Variants in NHS observed in about 807,000 individuals in gnomAD.
NHS encodes the protein NHS actin remodeling regulator.
NHS carries 5 observed loss-of-function variants against 72.5 expected under a neutral mutation model. That is an observed-to-expected ratio of 0.07 (90% CI 0.04 to 0.14). The LOEUF is 0.14. NHS is among the 10% of genes least tolerant of loss of function. The probability of loss-of-function intolerance (pLI) is 1.00; values close to 1 mark genes in which losing one functional copy is unlikely to be tolerated. For missense variants in NHS, 1,072 were observed against 1,355.7 expected, an observed-to-expected ratio of 0.79 and a Z score of 3.29; for synonymous variants, 464 against 547.7, an observed-to-expected ratio of 0.85 and a Z score of 2.13.
chrX:17,379,866 G>T (rs1480766721), intron 1 of NHS, among the ~76,000 whole-genome samples: 1 of 112,045 alleles, frequency 8.9e-6, no homozygotes, highest in Non-Finnish European at 1.9e-5. Flanking sequence ...TTCTTGTGGA[G>T]GGAATGGAAT....
intron 1 of NHS, among the ~76,000 whole-genome samples, chrX:17,466,307 G>C (rs747184119): frequency 4.4e-5 from 5 of 112,560 alleles, no homozygotes; most frequent in Non-Finnish European, 7.5e-5. Flanking sequence ...GTGTTTAAAG[G>C]AATGTCTCCA....
chrX:17,510,003 AG>A (rs2065079449), intron 1 of NHS, among the ~76,000 whole-genome samples: 1 of 112,535 alleles, frequency 8.9e-6, no homozygotes, highest in Admixed American at 9.4e-5. Flanking sequence ...AGTTCACTTT[AG>A]TATGTGGAAT....
intron 1 of NHS, among the ~76,000 whole-genome samples, chrX:17,582,093 G>A (rs1321796782): frequency 9.0e-6 from 1 of 111,681 alleles, no homozygotes; most frequent in Non-Finnish European, 1.9e-5. Context: ...GTTTTCGGGA[G>A]CTGTTATGGA....
chrX:17,548,380 C>T (rs1439790261), intron 1 of NHS, among the ~76,000 whole-genome samples: 2 of 110,887 alleles, frequency 1.8e-5, no homozygotes, highest in South Asian at 3.9e-4. Flanking sequence ...TGAAGTCATT[C>T]AGCACATTTT....
intron 1 of NHS, among the ~76,000 whole-genome samples, chrX:17,665,529 G>A (rs899986410): frequency 5.5e-5 from 6 of 108,177 alleles, no homozygotes; most frequent in Non-Finnish European, 3.8e-5. Context: ...GGGTTTCACC[G>A]TGTTAGCCAG....
intron 1 of NHS, among the ~76,000 whole-genome samples, chrX:17,573,588 T>A (rs2065493893): frequency 9.1e-6 from 1 of 110,448 alleles, no homozygotes; most frequent in African/African-American, 3.3e-5. Flanking sequence ...TCTAACCTTT[T>A]TTCAAGGTTT....
chrX:17,484,030 G>C (rs1202550449), intron 1 of NHS, among the ~76,000 whole-genome samples: 1 of 112,234 alleles, frequency 8.9e-6, no homozygotes, highest in East Asian at 2.8e-4. Context: ...TGGTGTGCCA[G>C]AGCTGACATG....
intron 1 of NHS, among the ~76,000 whole-genome samples, chrX:17,492,824 A>T (rs1465581768): frequency 9.0e-6 from 1 of 111,689 alleles, no homozygotes; most frequent in Non-Finnish European, 1.9e-5. Flanking sequence ...TGCTCATACC[A>T]TTGTGGTTTG....
rs182067020 is a variant in NHS at position 17,547,629 on chromosome X, G to A, written c.566-140113G>A. Among the ~76,000 whole-genome samples the A allele has an allele frequency of 3.5e-5, 4 of 112,719 alleles. No homozygotes were observed. The East Asian group carries it at 1.1e-3, about 31-fold the overall frequency. ...AATATATAACCAAATGTGATTTAAT[G>A]TTTTCTGTTTTCTTTAGACATTTTA... On this transcript the variant is annotated intron_variant, in intron 1 of 8. Coordinates refer to ENST00000676302, the MANE Select transcript of NHS (RefSeq NM_001291867.2).
intron 1 of NHS, among the ~76,000 whole-genome samples, chrX:17,472,403 T>C: frequency 9.0e-6 from 1 of 110,852 alleles, no homozygotes; most frequent in Admixed American, 9.6e-5. Flanking sequence ...AAAAAGCATA[T>C]CTGTAGTGCC....
At chrX:17,492,846 C>CAT (rs1251761091) in intron 1 of NHS, among the ~76,000 whole-genome samples, 1 of 111,480 alleles carries the variant, frequency 9.0e-6, no homozygotes, top group Non-Finnish European at 1.9e-5. Flanking sequence ...TGCCTATGAT[C>CAT]ATAACTAAAA....
chrX:17,616,703 A>G (rs143661223), intron 1 of NHS, among the ~76,000 whole-genome samples: 11,546 of 112,571 alleles, frequency 0.1, 1,394 homozygotes, highest in African/African-American at 0.35. Context: ...CATAAAATTT[A>G]CAGTTGAAAA....
At chrX:17,401,362 C>G (rs1280858728) in intron 1 of NHS, among the ~76,000 whole-genome samples, 1 of 111,633 alleles carries the variant, frequency 9.0e-6, no homozygotes, top group Non-Finnish European at 1.9e-5. Context: ...GTACAAGTGA[C>G]AAAAGAAAAA....
chrX:17,680,653 T>A (rs747252965), intron 1 of NHS, among the ~76,000 whole-genome samples: 2 of 112,286 alleles, frequency 1.8e-5, no homozygotes, highest in African/African-American at 6.5e-5. Flanking sequence ...AGTTCTGGGG[T>A]ACACGTGCAG....
At chrX:17,410,555 A>G (rs2064553066) in intron 1 of NHS, among the ~76,000 whole-genome samples, 3 of 96,292 alleles carry the variant, frequency 3.1e-5, no homozygotes, top group Admixed American at 2.4e-4. Flanking sequence ...TTAGAACACC[A>G]GTGAGTAAAG....
intron 1 of NHS, among the ~76,000 whole-genome samples, chrX:17,506,363 T>C (rs1348510989): frequency 1.8e-5 from 2 of 109,177 alleles, no homozygotes; most frequent in Non-Finnish European, 3.8e-5. Flanking sequence ...ATCCCGTCTC[T>C]ACTAAAAAAT....
intron 1 of NHS, among the ~76,000 whole-genome samples, chrX:17,597,018 TAG>T (rs1211050964): frequency 9.0e-6 from 1 of 110,547 alleles, no homozygotes; most frequent in East Asian, 2.8e-4. Flanking sequence ...GGCTGGGAAA[TAG>T]AGTCATCTGT....
At chrX:17,565,735 T>G (rs2146969936) in intron 1 of NHS, among the ~76,000 whole-genome samples, 1 of 112,230 alleles carries the variant, frequency 8.9e-6, no homozygotes, top group East Asian at 2.8e-4. Flanking sequence ...GCTGCTTTAC[T>G]TAATGACCAC....
intron 1 of NHS, chrX:17,635,578 C>T: frequency 5.1e-6 from 6 of 1,166,991 alleles, no homozygotes; most frequent in Non-Finnish European, 6.9e-6. Flanking sequence ...TGGCTCTGGC[C>T]TGCTGCATGC....
Sources: allele counts gnomAD v4.1 joint callset (sites outside exome capture counted in the v4.1 genomes callset), GRCh38; gene constraint gnomAD v4.1.1; transcripts MANE v1.5; gene names NCBI Gene and HGNC (gene_info 2026-07-23, HGNC 2026-07-21).